The following APBB1 variants were observed in gnomAD, a reference collection of about 807,000 sequenced individuals.
APBB1 encodes amyloid beta precursor protein binding family B member 1.
Under a neutral mutation model 78.4 loss-of-function variants are expected in APBB1, and 22 were observed. The observed-to-expected ratio is 0.28, with a 90% CI of 0.20 to 0.40. The LOEUF is 0.40. APBB1 is among the 10% of genes least tolerant of loss of function. The pLI is 1.00. For missense variants in APBB1, 749 were observed against 932.4 expected, an observed-to-expected ratio of 0.80 and a Z score of 2.56; for synonymous variants, 369 against 372.7, an observed-to-expected ratio of 0.99 and a Z score of 0.12.
In APBB1 at chr11:6,411,544, T is replaced by A. The variant is rs924013864; in HGVS notation, c.-14-183A>T. ...TTCTGTCCCAGCACTATCATCCCCA[T>A]CACAGTCCAGGCCCAGGTCTGAGGC... On this transcript the variant is annotated intron_variant, in intron 1 of 14. Coordinates refer to ENST00000609360, the MANE Select transcript of APBB1 (RefSeq NM_001164.5). This position sits in a 1 kb window ranked among gnomAD's most constrained non-coding sequence, Gnocchi z 5.2. 6.6e-6 allele frequency among the ~76,000 whole-genome samples: 1 copy of A among 152,062 alleles called. No individual in the cohort carries two copies. The highest frequency in any genetic ancestry group is 1.5e-5 in the Non-Finnish European group (1 of 67,976).
At chr11:6,417,881 G>A (rs946472388) in intron 1 of APBB1, among the ~76,000 whole-genome samples, 5 of 152,362 alleles carry the variant, frequency 3.3e-5, no homozygotes, top group Non-Finnish European at 7.3e-5. Context: ...AACCACAGAA[G>A]ATAATTTAGC....
At chr11:6,408,519 T>G (rs1410467380) in intron 2 of APBB1, among the ~76,000 whole-genome samples, 1 of 151,894 alleles carries the variant, frequency 6.6e-6, no homozygotes, top group Non-Finnish European at 1.5e-5. Context: ...TTTTTTTTTT[T>G]TTGAGAAGGA....
chr11:6,402,014 CAG>C (rs1373277308), intron 8 of APBB1, 32 bp from the exon 9 acceptor site: 1 of 1,593,622 alleles, frequency 6.3e-7, no homozygotes, highest in Non-Finnish European at 8.6e-7. Context: ...AGGCAAATAA[CAG>C]AGTTAGAGAG....
intron 2 of APBB1, chr11:6,405,755 A>G: frequency 1.2e-6 from 1 of 861,238 alleles, no homozygotes; most frequent in Non-Finnish European, 1.4e-6. Context: ...ACTTCCCCCT[A>G]ACTCACACTC....
In APBB1 at chr11:6,410,637, T is replaced by G. The variant is rs774724218; in HGVS notation, c.711A>C (p.Pro237=). 4 of 1,516,648 alleles carry G rather than the reference T, an allele frequency of 2.6e-6. No individual in the cohort carries two copies. In the South Asian group the frequency reaches 5.3e-5, roughly 20 times the overall value. 93.9% of individuals were successfully genotyped at this position (1,516,648 alleles called of 1,614,324 possible). The change falls in exon 2 of 15, where the codon CCA becomes CCC. Residue 237 remains proline, a synonymous_variant. Transcript: ENST00000609360. ...LSQGSPSYGS[P]EDTDSFWNPN... ...AGCTCCACAAGGTACCTGTGTCCTCTGGGGAGCCATAGGAGGGGCTGCCCT... is the reference window on the plus strand; with the variant it reads ...AGCTCCACAAGGTACCTGTGTCCTCGGGGGAGCCATAGGAGGGGCTGCCCT...
intron 2 of APBB1, among the ~76,000 whole-genome samples, chr11:6,407,078 T>C (rs1423606423): frequency 6.6e-6 from 1 of 152,254 alleles, no homozygotes; most frequent in African/African-American, 2.4e-5. Flanking sequence ...TCTATGAATA[T>C]CCTACAATAG....
At chr11:6,405,130 T>A in intron 2 of APBB1, 1 of 1,290,308 alleles carries the variant, frequency 7.8e-7, no homozygotes, top group Non-Finnish European at 9.9e-7. Flanking sequence ...CTCCAGTGGT[T>A]ACCTCAGTGC....
At chr11:6,402,491 T>C (rs1005345766) in intron 7 of APBB1, 85 bp downstream of exon 7, 11 of 1,433,528 alleles carry the variant, frequency 7.7e-6, no homozygotes, top group Non-Finnish European at 8.7e-6. Flanking sequence ...CCCAGCCTGC[T>C]TGTGGGCAGG....
intron 1 of APBB1, among the ~76,000 whole-genome samples, chr11:6,414,798 G>A (rs1552513): frequency 0.41 from 61,655 of 151,928 alleles, 12,810 homozygotes; most frequent in South Asian, 0.48. Flanking sequence ...AAGACTCCAC[G>A]ACTCTGCCAT....
chr11:6,403,533 T>A lies in APBB1; in HGVS notation c.909A>T (p.Thr303=), dbSNP rs1271890409. 1.2e-6 allele frequency: 2 copies of A among 1,614,226 alleles called. No homozygotes were observed. The highest frequency in any genetic ancestry group is 1.1e-5 in the South Asian group (1 of 91,088). The change falls in exon 4 of 15, where the codon ACA becomes ACT. Residue 303 remains threonine (T), a synonymous_variant. Coordinates refer to ENST00000609360, the MANE Select transcript of APBB1 (RefSeq NM_001164.5). The surrounding 1 kb of genome is among the most constrained non-coding windows in gnomAD (Gnocchi z 5.3). ...CAAAGCCTTCTCCATGAGCAAAACCTGTCCAGGTGAGCTAGGAGGAGGGAT... is the reference window on the plus strand; with the variant it reads ...CAAAGCCTTCTCCATGAGCAAAACCAGTCCAGGTGAGCTAGGAGGAGGGAT... ...SPQEESQLTW[T]GFAHGEGFED... is the part of the protein sequence containing the mutation.
intron 12 of APBB1, among the ~76,000 whole-genome samples, chr11:6,400,541 T>TAAA (rs5789463): frequency 2.1e-4 from 30 of 142,050 alleles, no homozygotes; most frequent in African/African-American, 6.5e-4. Context: ...GACTTGTCTT[T>TAAA]AAAAAAAAAA....
chr11:6,415,799 T>C (rs1294169947), intron 1 of APBB1, among the ~76,000 whole-genome samples: 1 of 152,208 alleles, frequency 6.6e-6, no homozygotes, highest in Non-Finnish European at 1.5e-5. Context: ...CTTCCTATGA[T>C]GCCTTTCCAG....
At chr11:6,397,249 G>A (rs1425368967) in intron 12 of APBB1, among the ~76,000 whole-genome samples, 1 of 152,250 alleles carries the variant, frequency 6.6e-6, no homozygotes, top group Non-Finnish European at 1.5e-5. Flanking sequence ...ACTAGGAGCA[G>A]ACCACGTGGA....
chr11:6,410,194 G>T (rs1464745349), intron 2 of APBB1, among the ~76,000 whole-genome samples: 2 of 152,156 alleles, frequency 1.3e-5, no homozygotes, highest in Non-Finnish European at 1.5e-5. Context: ...CTGAGACCTG[G>T]TTTAGATTTC....
rs1849190833 is a variant in APBB1 at position 6,418,972 on chromosome 11, G to C, written c.-15+13C>G. ...AGCCACCGGGGCTGGGCCGGGGCAG[G>C]GACACCTCCTACCTGCGCGGTGAGG... On this transcript the variant is annotated intron_variant, in intron 1 of 14. Coordinates refer to ENST00000609360, the MANE Select transcript of APBB1 (RefSeq NM_001164.5). 1 of 391,760 alleles carries C rather than the reference G, an allele frequency of 2.6e-6. No individual in the cohort carries two copies. Among genetic ancestry groups the C allele is most frequent in the South Asian group, 1.3e-4 (1 of 7,786 alleles). The allele number at this position is 391,760 out of a possible 1,614,324, so 24.3% of individuals were successfully genotyped here.
chr11:6,417,195 G>T (rs1267323737), intron 1 of APBB1, among the ~76,000 whole-genome samples: 1 of 152,172 alleles, frequency 6.6e-6, no homozygotes, highest in Non-Finnish European at 1.5e-5. Context: ...TCTACAAGGT[G>T]TTTGCATGTG....
Position 6,410,614 on chromosome 11 carries a change from C to A in APBB1, c.721+13G>T, listed in dbSNP as rs771362814. 6.6e-7 allele frequency: 1 copy of A among 1,510,896 alleles called. No homozygotes were observed. Among genetic ancestry groups the A allele is most frequent in the South Asian group, 1.4e-5 (1 of 73,372 alleles). The allele number at this position is 1,510,896 out of a possible 1,614,324, so 93.6% of individuals were successfully genotyped here. ...CACCCTCCCACATGCCCATGTCAAGCTCCACAAGGTACCTGTGTCCTCTGG... is the reference window on the plus strand; with the variant it reads ...CACCCTCCCACATGCCCATGTCAAGATCCACAAGGTACCTGTGTCCTCTGG... On this transcript the variant is annotated intron_variant, in intron 2 of 14. Transcript: ENST00000609360.
chr11:6,406,102 C>A (rs1848789877), intron 2 of APBB1, among the ~76,000 whole-genome samples: 1 of 152,216 alleles, frequency 6.6e-6, no homozygotes, highest in Admixed American at 6.5e-5. Context: ...ATCTGGGAGG[C>A]CCTTCTGGAG....
Position 6,401,644 on chromosome 11 carries a change from T to C in APBB1, c.1433A>G (p.Lys478Arg), listed in dbSNP as rs1232521761. 1 of 1,614,184 alleles carries C rather than the reference T, an allele frequency of 6.2e-7. No individual in the cohort carries two copies. ...VARDKLTQML[K>R]CHVFRCEAPA... is the part of the protein sequence containing the mutation. ...TGCCTCACAGCGAAACACGTGGCAC[T>C]TGAGCATCTGGGTCAGCTTATCACG... Residue 478 changes from lysine (K) to arginine (R), a missense_variant, in exon 10 of 15, where the codon AAG becomes AGG. Around this residue, in one of 3 missense-constraint regions of APBB1, gnomAD observed 635 missense variants for 765.0 expected, o/e 0.83. Transcript: ENST00000609360. The surrounding 1 kb of genome is among the most constrained non-coding windows in gnomAD (Gnocchi z 4.5).
Sources: gnomAD v4.1 joint callset for allele counts (sites outside exome capture counted in the v4.1 genomes callset) on GRCh38, gnomAD v4.1.1 for gene constraint, gnomAD v4.1.1 regional missense constraint, Gnocchi (gnomAD v3.1) non-coding constraint, MANE v1.5 for transcripts, NCBI Gene and HGNC (gene_info 2026-07-23, HGNC 2026-07-21) for gene names.